The following NOL8 variants were observed in gnomAD, a reference collection of about 807,000 sequenced individuals.
NOL8 encodes the protein nucleolar protein Nop132.
Under a neutral mutation model 116.1 loss-of-function variants are expected in NOL8, and 93 were observed. The ratio of observed to expected loss-of-function variants is 0.80; its 90% CI spans 0.68 to 0.95. The LOEUF is 0.95. Ranked by LOEUF, NOL8 falls within the 40% of genes least tolerant of loss-of-function variation. NOL8 has a pLI of 0.00. For missense variants in NOL8, 1,291 were observed against 1,382.8 expected (o/e 0.93, Z 1.05); for synonymous variants, 419 against 469.0 (o/e 0.89, Z 1.38).
chr9:92,315,313 G>C lies in NOL8; in HGVS notation c.1312C>G (p.Leu438Val), dbSNP rs1444426060. ...TTAAGAGACTTTAATCCATGACTGA[G>C]GGCTGACTCTACATTGCTTTTTCTT... ...QKRKSNVESA[L>V]SHGLKSLNRK... The change falls in exon 7 of 17, where the codon CTC becomes GTC. Residue 438 changes from leucine (L) to valine (V), a missense_variant. Physicochemically the swap from Leu to Val is conservative, Grantham distance 32 (BLOSUM62 1). Coordinates refer to ENST00000442668, the MANE Select transcript of NOL8 (RefSeq NM_017948.6). 1 of 1,613,926 alleles carries C rather than the reference G, an allele frequency of 6.2e-7. No homozygotes were observed. Among genetic ancestry groups the C allele is most frequent in the South Asian group, 1.1e-5 (1 of 91,056 alleles).
chr9:92,324,047 T>A lies in NOL8; in HGVS notation c.115A>T (p.Ile39Phe). 6.2e-7 allele frequency: 1 copy of A among 1,614,012 alleles called. No individual in the cohort carries two copies. The highest frequency in any genetic ancestry group is 2.2e-5 in the East Asian group (1 of 44,876). ...CCTTGGTCATCTTTCCGTGTGATGA[T>A]CTCCACATCCGAAACTTCTCCAAAT... The part of the protein sequence containing the change: ...SRFGEVSDVE[I>F]ITRKDDQGNP... The change falls in exon 2 of 17, where the codon ATC becomes TTC. Residue 39 changes from isoleucine (I) to phenylalanine (F), a missense_variant. Transcript: ENST00000442668.
At chr9:92,307,336 T>G (rs1838360104) in intron 10 of NOL8, among the ~76,000 whole-genome samples, 1 of 152,212 alleles carries the variant, frequency 6.6e-6, no homozygotes, top group African/African-American at 2.4e-5. Context: ...AAGATACTAA[T>G]AACTACAGTG....
Position 92,315,893 on chromosome 9 carries a change from C to A in NOL8, c.732G>T (p.Glu244Asp). The A allele has an allele frequency of 6.2e-7, 1 of 1,613,806 alleles. No homozygotes were observed. The highest frequency in any genetic ancestry group is 1.3e-5 in the African/African-American group (1 of 75,012). ...AMSTRPRRVIERPPLTQQQAA... is the reference protein window; with the variant it reads ...AMSTRPRRVIDRPPLTQQQAA... ...CCTGTTGCTGTGTTAAGGGTGGTCT[C>A]TCTATTACCCTCCTGGGCCTTGTAC... Residue 244 changes from glutamate to aspartate, a missense_variant, in exon 7 of 17, where the codon GAG (glutamate) becomes GAT (aspartate). Coordinates refer to ENST00000442668, the MANE Select transcript of NOL8 (RefSeq NM_017948.6).
At chr9:92,301,857 G>T (rs748805544) in intron 12 of NOL8, 35 bp from the exon 13 acceptor site, 20 of 1,494,262 alleles carry the variant, frequency 1.3e-5, no homozygotes, top group Non-Finnish European at 1.7e-5. Flanking sequence ...GCATCACAAA[G>T]AAACAAGTTT....
intron 6 of NOL8, among the ~76,000 whole-genome samples, chr9:92,317,556 C>A (rs904514030): frequency 1.3e-5 from 2 of 152,178 alleles, no homozygotes; most frequent in African/African-American, 4.8e-5. Flanking sequence ...AGAGGACACA[C>A]GTTTTTGCTT....
chr9:92,301,812 G>A lies in NOL8; in HGVS notation c.2914C>T (p.Arg972Ter), dbSNP rs780900217. The change falls in exon 13 of 17, where the codon CGA (arginine) becomes TGA (stop). Residue 972 changes from arginine to a stop codon, truncating the protein, a stop_gained. Coordinates refer to ENST00000442668, the MANE Select transcript of NOL8 (RefSeq NM_017948.6). LOFTEE classifies it high-confidence loss of function. ...DDKPKESKAK[R>*]KKKREEAEKL... ...TCAGCTTCCTCCCTTTTCTTTTTTC[G>A]TTTTGCTTTACTGAAATGACATATG... The A allele has an allele frequency of 5.1e-6, 8 of 1,581,972 alleles. No individual in the cohort carries two copies. The highest frequency in any genetic ancestry group is 2.3e-5 in the East Asian group (1 of 44,026).
At chr9:92,324,235 C>A in intron 1 of NOL8, 26 bp from the exon 2 acceptor site, 1 of 1,448,638 alleles carries the variant, frequency 6.9e-7, no homozygotes, top group South Asian at 1.4e-5. Context: ...AGTTCTTTCC[C>A]TTAGTTCTTC....
In NOL8 at chr9:92,315,750, T is replaced by G. The variant is rs746376264; in HGVS notation, c.875A>C (p.Lys292Thr). Residue 292 changes from lysine (K) to threonine (T), a missense_variant, in exon 7 of 17, where the codon AAG becomes ACG. Transcript: ENST00000442668. ...PFKTSGLETA[K>T]KRNSISDDDT... ...ATCATCAGAAATGCTGTTTCTCTTC[T>G]TGGCAGTTTCCAAGCCAGAAGTCTT... is the stretch of plus-strand genomic sequence containing the variant. 5.0e-6 allele frequency: 8 copies of G among 1,613,534 alleles called. No homozygotes were observed. In the East Asian group the frequency reaches 1.3e-4, roughly 27 times the overall value.
At chr9:92,321,885 G>C (rs1839957876) in intron 3 of NOL8, 139 bp from the exon 4 acceptor site, 1 of 552,892 alleles carries the variant, frequency 1.8e-6, no homozygotes, top group East Asian at 3.2e-5. Context: ...GAAAAGAAAT[G>C]AGACCTGGAG....
rs772655769 is a variant in NOL8 at position 92,314,605 on chromosome 9, T to G, written c.2020A>C (p.Arg674=). 6.2e-7 allele frequency: 1 copy of G among 1,612,794 alleles called. No homozygotes were observed. The change falls in exon 7 of 17, where the codon AGG becomes CGG. Residue 674 remains arginine, a synonymous_variant. Coordinates refer to ENST00000442668, the MANE Select transcript of NOL8 (RefSeq NM_017948.6). Reference sequence around the variant, plus strand: ...AAGGACTTCTTACCTTCTAATGGCCTAGAAATAGGATTCTTACTTCTCTTT... The same window carrying G: ...AAGGACTTCTTACCTTCTAATGGCCGAGAAATAGGATTCTTACTTCTCTTT... ...SEKRSKNPIS[R]PLEGKKSLSL...
chr9:92,301,884 A>C, intron 12 of NOL8, 62 bp from the exon 13 acceptor site: 1 of 1,425,320 alleles, frequency 7.0e-7, no homozygotes, highest in Non-Finnish European at 9.3e-7. Context: ...ATTTCCAGAA[A>C]TCAAGAAAAG....
chr9:92,310,732 C>T (rs1838696174), intron 8 of NOL8, 57 bp from the exon 9 acceptor site: 7 of 1,531,742 alleles, frequency 4.6e-6, no homozygotes, highest in Non-Finnish European at 6.1e-6. Flanking sequence ...TATTTCCCTT[C>T]ATAACGTAAT....
chr9:92,312,539 C>G (rs184478737), intron 7 of NOL8, among the ~76,000 whole-genome samples: 272 of 150,096 alleles, frequency 1.8e-3, no homozygotes, highest in African/African-American at 6.3e-3. Flanking sequence ...GAAAAGCCAC[C>G]TATTGGGCCG....
In NOL8 at chr9:92,320,331, C is replaced by A. The variant is rs79368530; in HGVS notation, c.282-975G>T. 1.6e-4 allele frequency: 62 copies of A among 377,262 alleles called. No homozygotes were observed. In the East Asian group the frequency reaches 4.3e-3, roughly 26 times the overall value. The allele number at this position is 377,262 out of a possible 1,614,324, so 23.4% of individuals were successfully genotyped here. On this transcript the variant is annotated intron_variant, in intron 4 of 16. Transcript: ENST00000442668. ...CCAAGCAGCAGCACTGTGTGCTCAA[C>A]CTGCTCAGCATGGGGCTCTAGTGCC...
chr9:92,310,614 G>C lies in NOL8; in HGVS notation c.2534C>G (p.Ser845Cys). 10 of 1,613,290 alleles carry C rather than the reference G, an allele frequency of 6.2e-6. No individual in the cohort carries two copies. Among genetic ancestry groups the C allele is most frequent in the Non-Finnish European group, 7.6e-6 (9 of 1,179,538 alleles). The stretch of plus-strand genomic sequence containing the variant: ...TTTGAACCTATTACTGTCATCTTCA[G>C]AATCAGATTCGTCATCATCACTGCT... ...FDSSDDDESDSEDDSNRFKIK... is the reference protein window; with the variant it reads ...FDSSDDDESDCEDDSNRFKIK... Residue 845 changes from serine (S) to cysteine (C), a missense_variant, in exon 9 of 17, where the codon TCT becomes TGT. Physicochemically the swap from Ser to Cys is moderately radical, Grantham distance 112. Coordinates refer to ENST00000442668, the MANE Select transcript of NOL8 (RefSeq NM_017948.6).
chr9:92,308,362 CA>C (rs36033632), intron 10 of NOL8, among the ~76,000 whole-genome samples: 1 of 151,144 alleles, frequency 6.6e-6, no homozygotes, highest in East Asian at 1.9e-4. Flanking sequence ...ATCCTGTCTC[CA>C]AAAAAATAAA....
rs764835373 is a variant in NOL8 at position 92,316,110 on chromosome 9, C to A, written c.515G>T (p.Cys172Phe). The A allele has an allele frequency of 5.0e-6, 8 of 1,613,706 alleles. No homozygotes were observed. In the Admixed American group the frequency reaches 1.3e-4, roughly 27 times the overall value. Residue 172 changes from cysteine to phenylalanine, a missense_variant, in exon 7 of 17, where the codon TGC (cysteine) becomes TTC (phenylalanine). By Grantham distance (205) the Cys-to-Phe change is radical. Transcript: ENST00000442668. ...CTCCCCTATCTTCTTCAGGTTGTGG[C>A]AGTATTTTGAGGGATCATATTTGAT... is the stretch of plus-strand genomic sequence containing the variant. ...KIIKYDPSKY[C>F]HNLKKIGEDF...
In NOL8 at chr9:92,301,578, C is replaced by A; in HGVS notation, c.3148G>T (p.Asp1050Tyr). ...TCCTTTATGTCTTTAGTGTCTGAAT[C>A]AAAAAAAGAGAACGTGAACCCGCTG... ...QPSGFTFSFF[D>Y]SDTKDIKEET... is the part of the protein sequence containing the mutation. The change falls in exon 13 of 17, where the codon GAT becomes TAT. Residue 1050 changes from aspartate to tyrosine, a missense_variant. Coordinates refer to ENST00000442668, the MANE Select transcript of NOL8 (RefSeq NM_017948.6). 6.2e-7 allele frequency: 1 copy of A among 1,600,960 alleles called. No homozygotes were observed. Among genetic ancestry groups the A allele is most frequent in the South Asian group, 1.1e-5 (1 of 88,716 alleles).
At chr9:92,308,505 G>A (rs17518956) in intron 10 of NOL8, among the ~76,000 whole-genome samples, 5,861 of 152,296 alleles carry the variant, frequency 0.038, 144 homozygotes, top group Middle Eastern at 0.065. Context: ...GAAAGCCTGT[G>A]GAAAATATCC....
Sources: gnomAD v4.1 joint callset for allele counts (sites outside exome capture counted in the v4.1 genomes callset) on GRCh38, gnomAD v4.1.1 for gene constraint, MANE v1.5 for transcripts, NCBI Gene and HGNC (gene_info 2026-07-23, HGNC 2026-07-21) for gene names.